Variants in CIMAP1D observed in about 807,000 individuals in gnomAD.
The protein encoded by CIMAP1D is protein CIMAP1D.
At chr19:483,489 G>A in the CIMAP1D span, among the ~76,000 whole-genome samples, 5 of 152,174 alleles carry the variant, frequency 3.3e-5, no homozygotes, top group Admixed American at 2.6e-4. Context: ...CCAGTGACAC[G>A]GAGCTATGAG....
chr19:468,714 G>A, the CIMAP1D span, among the ~76,000 whole-genome samples: 11 of 152,332 alleles, frequency 7.2e-5, no homozygotes, highest in East Asian at 5.8e-4. Flanking sequence ...CAGCGTGACC[G>A]GTGTTCACGG....
the CIMAP1D span, among the ~76,000 whole-genome samples, chr19:478,400 C>T: frequency 6.2e-5 from 6 of 96,852 alleles, no homozygotes; most frequent in African/African-American, 4.0e-4. Flanking sequence ...CCCCATTTTA[C>T]GTGGGGTGGA....
the CIMAP1D span, among the ~76,000 whole-genome samples, chr19:464,655 G>T: frequency 6.6e-6 from 1 of 152,180 alleles, no homozygotes; most frequent in Non-Finnish European, 1.5e-5. Flanking sequence ...GAGCCCCACA[G>T]CCTGGGTTTT....
the CIMAP1D span, among the ~76,000 whole-genome samples, chr19:488,184 A>G: frequency 6.6e-6 from 1 of 151,438 alleles, no homozygotes; most frequent in Non-Finnish European, 1.5e-5. Context: ...GTGTCTGAGG[A>G]GTTTTGTCTG....
the CIMAP1D span, among the ~76,000 whole-genome samples, chr19:485,115 C>G: frequency 6.6e-6 from 1 of 151,916 alleles, no homozygotes; most frequent in Admixed American, 6.6e-5. Flanking sequence ...CCTGGAAGGG[C>G]GGGTGCAACC....
the CIMAP1D span, among the ~76,000 whole-genome samples, chr19:486,432 T>TTGATTGAC: frequency 1.2e-4 from 18 of 151,994 alleles, no homozygotes; most frequent in African/African-American, 4.3e-4. Flanking sequence ...GATTGATTGA[T>TTGATTGAC]TGATTTTTTG....
the CIMAP1D span, among the ~76,000 whole-genome samples, chr19:478,469 C>G: frequency 1.7e-5 from 2 of 120,384 alleles, 1 homozygote; most frequent in South Asian, 5.8e-4. Flanking sequence ...CAGCATGTTG[C>G]TGGGAGGACG....
the CIMAP1D span, among the ~76,000 whole-genome samples, chr19:480,685 C>CGATGATGGAGAAT: frequency 1.4e-5 from 1 of 73,660 alleles, no homozygotes; most frequent in African/African-American, 7.1e-5. Flanking sequence ...TGATGGAGAA[C>CGATGATGGAGAAT]GATGATGGAG....
At chr19:473,891 C>T in the CIMAP1D span, among the ~76,000 whole-genome samples, 1,607 of 96,420 alleles carry the variant, frequency 0.017, no homozygotes, top group Non-Finnish European at 0.027. Context: ...CAGAGATACA[C>T]GGTCACAGAT....
At chr19:484,925 TG>T in the CIMAP1D span, among the ~76,000 whole-genome samples, 1 of 151,106 alleles carries the variant, frequency 6.6e-6, no homozygotes, top group African/African-American at 2.4e-5. Flanking sequence ...GGTAGGAAGG[TG>T]GGGGTAGGGA....
At chr19:477,822 G>A in the CIMAP1D span, among the ~76,000 whole-genome samples, 6 of 152,242 alleles carry the variant, frequency 3.9e-5, no homozygotes, top group East Asian at 5.8e-4. Context: ...GCCACGCCAC[G>A]GCACGCAGGC....
the CIMAP1D span, among the ~76,000 whole-genome samples, chr19:483,096 T>A: frequency 1.4e-3 from 215 of 152,156 alleles, no homozygotes; most frequent in African/African-American, 4.8e-3. Context: ...CATTCAAACA[T>A]CCTCTTCCAG....
the CIMAP1D span, chr19:464,235 G>A: frequency 6.6e-7 from 1 of 1,526,094 alleles, no homozygotes; most frequent in Non-Finnish European, 8.8e-7. Context: ...GGCATTAGGG[G>A]CAGGGGCTGA....
chr19:485,035 T>G, the CIMAP1D span, among the ~76,000 whole-genome samples: 2 of 151,632 alleles, frequency 1.3e-5, no homozygotes, highest in Non-Finnish European at 2.9e-5. Context: ...TCTGGGCCTG[T>G]CTTGAAGGCA....
chr19:480,710 A>ACGATGAT, the CIMAP1D span, among the ~76,000 whole-genome samples: 10 of 143,980 alleles, frequency 6.9e-5, no homozygotes, highest in Non-Finnish European at 1.4e-4. Context: ...ATGATGGAGA[A>ACGATGAT]GGAATGTGGG....
At chr19:489,967 G>C in the CIMAP1D span, 1 of 398,242 alleles carries the variant, frequency 2.5e-6, no homozygotes, top group Non-Finnish European at 4.4e-6. Context: ...AGGCCAGAGC[G>C]GCGTCCCCAG....
At chr19:488,880 C>A in the CIMAP1D span, among the ~76,000 whole-genome samples, 11 of 152,210 alleles carry the variant, frequency 7.2e-5, no homozygotes, top group Admixed American at 2.6e-4. Flanking sequence ...CCGGGCCCCA[C>A]GCAAGGGCAG....
chr19:463,666 G>T, the CIMAP1D span: 2 of 910,752 alleles, frequency 2.2e-6, no homozygotes, highest in Non-Finnish European at 3.2e-6. Flanking sequence ...ACAGGGCCAT[G>T]GGTCACAGCC....
At chr19:489,090 G>T in the CIMAP1D span, 2 of 152,190 alleles carry the variant, frequency 1.3e-5, no homozygotes, top group Admixed American at 6.5e-5. Context: ...GGCGGGAGTT[G>T]TGGTTCAGCT....
Sources: allele counts gnomAD v4.1 joint callset (sites outside exome capture counted in the v4.1 genomes callset), GRCh38; gene constraint gnomAD v4.1.1; transcripts MANE v1.5; gene names NCBI Gene and HGNC (gene_info 2026-07-23, HGNC 2026-07-21).